The following EHD1 variants were observed in gnomAD, a reference collection of about 807,000 sequenced individuals.
EHD1 encodes EH domain-containing protein 1.
EHD1 carries 19 observed loss-of-function variants against 39.0 expected under a neutral mutation model. The observed-to-expected ratio is 0.49, with a 90% CI of 0.34 to 0.72. The LOEUF (loss-of-function observed/expected upper bound fraction) is 0.72. Among genes scored for constraint, EHD1 ranks in the 30% least tolerant of loss-of-function variants. The pLI is 0.01. For synonymous variants in EHD1, 323 were observed against 331.2 expected (o/e 0.98, Z 0.27); for missense variants, 542 against 751.5 (o/e 0.72, Z 3.26).
At chr11:64,857,955 T>C (rs1338517868) in intron 3 of EHD1, among the ~76,000 whole-genome samples, 2 of 151,796 alleles carry the variant, frequency 1.3e-5, no homozygotes, top group Non-Finnish European at 2.9e-5. Context: ...AGGGCCTGGC[T>C]TGGCAGGCAG....
At position 64,863,725 on chromosome 11, in the gene EHD1, C is replaced by A. The variant is rs116947770; in HGVS notation, c.503-3389G>T. Reference sequence around the variant, plus strand: ...GAGCCCCTCCCCACACCTGGCGCTCCCAGAAGGAACTCGGGCCACTAACTA... The same window carrying A: ...GAGCCCCTCCCCACACCTGGCGCTCACAGAAGGAACTCGGGCCACTAACTA... On this transcript the variant is annotated intron_variant, in intron 2 of 4. Transcript: ENST00000320631. Among the ~76,000 whole-genome samples the A allele has an allele frequency of 4.2e-3, 634 of 152,360 alleles. 2 individuals are homozygous for A. The highest frequency in any genetic ancestry group is 7.2e-3 in the Non-Finnish European group (490 of 68,022).
intron 2 of EHD1, among the ~76,000 whole-genome samples, chr11:64,860,912 C>T (rs750730473): frequency 6.6e-6 from 1 of 150,658 alleles, no homozygotes; most frequent in East Asian, 1.9e-4. Context: ...CCCAGTTACT[C>T]GAGAGGCTGA....
rs758446769 is a variant in EHD1, at chr11:64,854,495, T to C, written c.1443A>G (p.Leu481=). The C allele has an allele frequency of 2.5e-6, 4 of 1,614,142 alleles. No individual in the cohort carries two copies. Among genetic ancestry groups the C allele is most frequent in the Non-Finnish European group, 3.4e-6 (4 of 1,179,990 alleles). Residue 481 remains leucine, a synonymous_variant, in exon 5 of 5, where the codon CTA becomes CTG. Transcript: ENST00000320631. ...CGTCGGCCAGCTTCCAGATCTTCCC[T>C]AGCACGGTGTTGGGGAGCTTGGACT... ...MVKSKLPNTV[L]GKIWKLADVD...
At chr11:64,870,101 T>C (rs1943812108) in intron 2 of EHD1, among the ~76,000 whole-genome samples, 1 of 152,190 alleles carries the variant, frequency 6.6e-6, no homozygotes, top group Non-Finnish European at 1.5e-5. Context: ...ATACCAGCAC[T>C]GCTGTTCAAA....
At chr11:64,855,512 C>T (rs774568857) in intron 3 of EHD1, 26 bp from the exon 4 acceptor site, 26 of 1,612,498 alleles carry the variant, frequency 1.6e-5, no homozygotes, top group South Asian at 3.3e-5. Context: ...GAGCATCAGG[C>T]GCTCTCTTGG....
intron 2 of EHD1, 83 bp downstream of exon 2, chr11:64,874,338 C>T: frequency 2.0e-6 from 2 of 1,009,730 alleles, no homozygotes; most frequent in Non-Finnish European, 2.9e-6. Context: ...ATCTCAAGGG[C>T]AGCATCTGAA....
In EHD1 at chr11:64,851,883, T is replaced by C. The variant is rs1943585533; in HGVS notation, c.*2450A>G. The C allele has an allele frequency of 6.6e-6, 1 of 152,214 alleles. No individual in the cohort carries two copies. Among genetic ancestry groups the C allele is most frequent in the South Asian group, 2.1e-4 (1 of 4,840 alleles). 9.4% of individuals were successfully genotyped at this position (152,214 alleles called of 1,614,324 possible). On this transcript the variant is annotated 3_prime_UTR_variant, in exon 5 of 5. Transcript: ENST00000320631. ...GTGAAATGGGGGAACATGAACTTCC[T>C]CAGATCGTGACAGCGCAGCTCCACC...
At chr11:64,869,230 A>C (rs1345705876) in intron 2 of EHD1, among the ~76,000 whole-genome samples, 1 of 152,254 alleles carries the variant, frequency 6.6e-6, no homozygotes, top group Non-Finnish European at 1.5e-5. Context: ...GAGCGCGGGC[A>C]GCGCCTGGTA....
At position 64,852,419 on chromosome 11, in the gene EHD1, T is replaced by G. The variant is rs1943591596; in HGVS notation, c.*1914A>C. 6.6e-6 allele frequency: 1 copy of G among 152,262 alleles called. No individual in the cohort carries two copies. Among genetic ancestry groups the G allele is most frequent in the African/African-American group, 2.4e-5 (1 of 41,428 alleles). 9.4% of individuals were successfully genotyped at this position (152,262 alleles called of 1,614,324 possible). A position where few individuals can be genotyped will look rare whatever the true frequency, so the allele number is the denominator to read the frequency against. On this transcript the variant is annotated 3_prime_UTR_variant, in exon 5 of 5. Coordinates refer to ENST00000320631, the MANE Select transcript of EHD1 (RefSeq NM_006795.4). ...AGGTGCCCACTCATCCGTCTGTGGC[T>G]GAGGGGTGCCAGCCTAGGCCTCAGC...
intron 4 of EHD1, 59 bp from the exon 5 acceptor site, chr11:64,854,916 C>G (rs1943632519): frequency 6.4e-7 from 1 of 1,563,280 alleles, no homozygotes; most frequent in East Asian, 2.2e-5. Flanking sequence ...AGACTCCAGG[C>G]CAAGTGGTTC....
At chr11:64,873,745 C>T (rs1376841854) in intron 2 of EHD1, among the ~76,000 whole-genome samples, 4 of 151,606 alleles carry the variant, frequency 2.6e-5, no homozygotes, top group Admixed American at 2.0e-4. Flanking sequence ...GGCGCGATCT[C>T]GGCTCACTGC....
rs1234695069 is a variant in EHD1, at chr11:64,852,616, T to G, written c.*1717A>C. The G allele has an allele frequency of 6.6e-6, 1 of 152,502 alleles. No individual in the cohort carries two copies. The highest frequency in any genetic ancestry group is 1.5e-5 in the Non-Finnish European group (1 of 68,134). The allele number at this position is 152,502 out of a possible 1,614,324, so 9.4% of individuals were successfully genotyped here. On this transcript the variant is annotated 3_prime_UTR_variant, in exon 5 of 5. Coordinates refer to ENST00000320631, the MANE Select transcript of EHD1 (RefSeq NM_006795.4). ...GCAGAGCAGGACTGGGCAGGGTTGG[T>G]CACCTTGCCCCGGCTGCCTTGCCAC...
rs1183677149 is a variant in EHD1, at chr11:64,854,876, G to A, written c.1081-19C>T. On this transcript the variant is annotated intron_variant, in intron 4 of 4. Coordinates refer to ENST00000320631, the MANE Select transcript of EHD1 (RefSeq NM_006795.4). ...GGAGTTCCTGTGGGCGGGGGAGGAA[G>A]GACAAGGGCTGGGAAGGGAGGCCCC... 1 of 1,592,690 alleles carries A rather than the reference G, an allele frequency of 6.3e-7. No individual in the cohort carries two copies.
At chr11:64,857,611 G>T (rs1004215140) in intron 3 of EHD1, among the ~76,000 whole-genome samples, 1 of 152,112 alleles carries the variant, frequency 6.6e-6, no homozygotes, top group African/African-American at 2.4e-5. Context: ...GAGGACAGTG[G>T]TGGCAAAGGA....
chr11:64,872,440 G>A (rs180758940), intron 2 of EHD1, among the ~76,000 whole-genome samples: 65 of 152,274 alleles, frequency 4.3e-4, no homozygotes, highest in African/African-American at 1.4e-3. Flanking sequence ...CAGCCTGGGC[G>A]ATAGAGCGAC....
At chr11:64,875,146 G>C (rs1943871711) in intron 1 of EHD1, among the ~76,000 whole-genome samples, 1 of 152,220 alleles carries the variant, frequency 6.6e-6, no homozygotes. Flanking sequence ...CCAGGGCTCA[G>C]CCACGCATAT....
rs759743110 is a variant in EHD1 at position 64,860,251 on chromosome 11, G to C, written c.588C>G (p.Ile196Met). 4.3e-6 allele frequency: 7 copies of C among 1,613,994 alleles called. No homozygotes were observed. The highest frequency in any genetic ancestry group is 5.9e-6 in the Non-Finnish European group (7 of 1,180,050). Reference protein sequence around the residue: ...ILLFDAHKLDISDEFSEVIKA... With the variant: ...ILLFDAHKLDMSDEFSEVIKA... Reference sequence around the variant, plus strand: ...TGATCACTTCCGAGAACTCATCGGAGATGTCCAGCTTGTGGGCGTCGAAGA... The same window carrying C: ...TGATCACTTCCGAGAACTCATCGGACATGTCCAGCTTGTGGGCGTCGAAGA... Residue 196 changes from isoleucine (I) to methionine (M), a missense_variant, in exon 3 of 5, where the codon ATC becomes ATG. By Grantham distance (10) the Ile-to-Met change is conservative. Transcript: ENST00000320631.
chr11:64,859,971 C>T lies in EHD1; in HGVS notation c.868G>A (p.Ala290Thr), dbSNP rs375367567. Residue 290 changes from alanine (A) to threonine (T), a missense_variant, in exon 3 of 5, where the codon GCC (alanine) becomes ACC (threonine). Physicochemically the swap from Ala to Thr is moderately conservative, Grantham distance 58. Transcript: ENST00000320631. Reference sequence around the variant, plus strand: ...ATCAGGTCATTGAGCTTCCTGAGGGCGGCGTTTCGGGGCAGTGACTGGATG... The same window carrying T: ...ATCAGGTCATTGAGCTTCCTGAGGGTGGCGTTTCGGGGCAGTGACTGGATG... ...KDIQSLPRNA[A>T]LRKLNDLIKR... 362 of 1,613,722 alleles carry T rather than the reference C, an allele frequency of 2.2e-4. 1 individual carries two copies. The South Asian group carries it at 3.7e-3, about 16-fold the overall frequency.
At chr11:64,874,057 G>C (rs1473281279) in intron 2 of EHD1, among the ~76,000 whole-genome samples, 1 of 150,818 alleles carries the variant, frequency 6.6e-6, no homozygotes, top group East Asian at 2.0e-4. Context: ...TGTAATCCCA[G>C]CACTTTGGGA....
Sources: gnomAD v4.1 joint callset for allele counts (sites outside exome capture counted in the v4.1 genomes callset) on GRCh38, gnomAD v4.1.1 for gene constraint, MANE v1.5 for transcripts, NCBI Gene and HGNC (gene_info 2026-07-23, HGNC 2026-07-21) for gene names.